The following LCORL variants were observed in gnomAD, a reference collection of about 807,000 sequenced individuals.
LCORL encodes the protein ligand dependent nuclear receptor corepressor like.
Under a neutral mutation model 141.8 loss-of-function variants are expected in LCORL, and 41 were observed. That is an observed-to-expected ratio of 0.29 (90% CI 0.23 to 0.38). LCORL has a LOEUF of 0.38. Among genes scored for constraint, LCORL ranks in the 10% least tolerant of loss-of-function variants. The probability of loss-of-function intolerance (pLI) is 1.00; values close to 1 mark genes in which losing one functional copy is unlikely to be tolerated. For synonymous variants in LCORL, 618 were observed against 694.1 expected, an observed-to-expected ratio of 0.89 and a Z score of 1.72; for missense variants, 1,759 against 2,035.0, an observed-to-expected ratio of 0.86 and a Z score of 2.61.
At chr4:17,959,841 TAAC>T (rs978961482) in intron 4 of LCORL, among the ~76,000 whole-genome samples, 8 of 152,112 alleles carry the variant, frequency 5.3e-5, no homozygotes, top group Non-Finnish European at 1.2e-4. Context: ...AAAGATGTTT[TAAC>T]AACACGTCAT....
At chr4:17,877,598 T>C in exon 7 of LCORL, 1 of 1,230,754 alleles carries the variant, frequency 8.1e-7, no homozygotes, top group Non-Finnish European at 1.0e-6. Flanking sequence ...TGTTATTTTC[T>C]AAGGCTGAAA....
At chr4:17,960,914 T>TATATA (rs1713649215) in intron 4 of LCORL, among the ~76,000 whole-genome samples, 1 of 152,120 alleles carries the variant, frequency 6.6e-6, no homozygotes, top group African/African-American at 2.4e-5. Flanking sequence ...ATATTAAGAC[T>TATATA]CTTCTAATAA....
chr4:17,841,468 A>G (rs1438254689), exon 8 of LCORL: 1 of 151,966 alleles, frequency 6.6e-6, no homozygotes, highest in Non-Finnish European at 1.5e-5. Flanking sequence ...AATTAGTCCC[A>G]TATTGTTGGA....
chr4:17,874,711 C>T, exon 7 of LCORL: 1 of 1,233,844 alleles, frequency 8.1e-7, no homozygotes, highest in Non-Finnish European at 1.0e-6. Flanking sequence ...GCAGAAGTAG[C>T]CCACCACCTG....
intron 4 of LCORL, among the ~76,000 whole-genome samples, chr4:17,958,530 A>C (rs1207597435): frequency 6.6e-6 from 1 of 151,974 alleles, no homozygotes; most frequent in East Asian, 1.9e-4. Flanking sequence ...TTTCATAAGG[A>C]TATCTGTAAA....
chr4:17,954,187 AAAT>A (rs1361501144), intron 4 of LCORL, among the ~76,000 whole-genome samples: 5 of 151,858 alleles, frequency 3.3e-5, no homozygotes, highest in Admixed American at 3.3e-4. Flanking sequence ...AAAAACAAAC[AAAT>A]AAACAAAAAC....
chr4:17,875,791 T>C, exon 7 of LCORL: 1 of 1,231,250 alleles, frequency 8.1e-7, no homozygotes, highest in East Asian at 3.2e-5. Flanking sequence ...GTAGCACTGC[T>C]TGAATTGTCC....
chr4:18,004,116 T>C (rs1722413397), intron 1 of LCORL, among the ~76,000 whole-genome samples: 1 of 152,222 alleles, frequency 6.6e-6, no homozygotes, highest in Non-Finnish European at 1.5e-5. Context: ...TTGGTGTACA[T>C]ATCCTTGCAA....
At chr4:18,005,426 T>C (rs1049380394) in intron 1 of LCORL, among the ~76,000 whole-genome samples, 1 of 152,132 alleles carries the variant, frequency 6.6e-6, no homozygotes, top group African/African-American at 2.4e-5. Context: ...GGATCTACCA[T>C]TCTGGGGTCT....
intron 4 of LCORL, among the ~76,000 whole-genome samples, chr4:17,959,158 G>A (rs1713283999): frequency 1.3e-5 from 2 of 151,898 alleles, no homozygotes; most frequent in African/African-American, 4.8e-5. Flanking sequence ...AGCACTATAA[G>A]GGAATTAATC....
At chr4:17,897,213 C>CCTTTGTT (rs1553863446) in intron 5 of LCORL, among the ~76,000 whole-genome samples, 1 of 63,996 alleles carries the variant, frequency 1.6e-5, no homozygotes, top group African/African-American at 5.8e-5. Flanking sequence ...ATACTGATTT[C>CCTTTGTT]TTTTTTTTTT....
chr4:17,841,519 G>GAGTAGAAAAAAGTGTAACATGAA (rs1722401341), exon 8 of LCORL: 1 of 151,848 alleles, frequency 6.6e-6, no homozygotes, highest in Non-Finnish European at 1.5e-5. Context: ...AGCAGGTAAG[G>GAGTAGAAAAAAGTGTAACATGAA]AGTAGAAAAA....
intron 7 of LCORL, among the ~76,000 whole-genome samples, chr4:17,857,298 CAG>C (rs1262565114): frequency 6.6e-6 from 1 of 152,064 alleles, no homozygotes; most frequent in Non-Finnish European, 1.5e-5. Context: ...AGGAGACAGA[CAG>C]ATCTGCAGAG....
chr4:17,975,870 T>G (rs1716854360), intron 1 of LCORL, among the ~76,000 whole-genome samples: 1 of 152,230 alleles, frequency 6.6e-6, no homozygotes, highest in Admixed American at 6.5e-5. Context: ...CTATAAATGT[T>G]AATTAAGATT....
chr4:17,882,791 C>T (rs1005742480), intron 6 of LCORL: 47 of 984,632 alleles, frequency 4.8e-5, no homozygotes, highest in Admixed American at 6.2e-5. Flanking sequence ...GTAGTCATAA[C>T]ATCAACTAAC....
At chr4:17,889,102 C>G (rs1470178320) in intron 5 of LCORL, among the ~76,000 whole-genome samples, 2 of 152,064 alleles carry the variant, frequency 1.3e-5, no homozygotes, top group African/African-American at 4.8e-5. Context: ...TAGGCTGCAG[C>G]TCTCTACTTG....
intron 4 of LCORL, among the ~76,000 whole-genome samples, chr4:17,915,203 C>G (rs1200467490): frequency 6.6e-6 from 1 of 151,966 alleles, no homozygotes; most frequent in Non-Finnish European, 1.5e-5. Context: ...ATGAGCAGTC[C>G]CATGAGGTGG....
chr4:17,922,580 A>T (rs1203205222), intron 4 of LCORL, among the ~76,000 whole-genome samples: 1 of 152,192 alleles, frequency 6.6e-6, no homozygotes, highest in Non-Finnish European at 1.5e-5. Flanking sequence ...TCAATCTTCT[A>T]AGATTGCCCT....
chr4:17,964,646 C>T (rs540853585), intron 2 of LCORL, among the ~76,000 whole-genome samples: 5 of 152,002 alleles, frequency 3.3e-5, no homozygotes, highest in African/African-American at 1.2e-4. Context: ...AAACTTTCAC[C>T]CCCTCACTAG....
Sources: allele counts gnomAD v4.1 joint callset (sites outside exome capture counted in the v4.1 genomes callset), GRCh38; gene constraint gnomAD v4.1.1; transcripts MANE v1.5; gene names NCBI Gene and HGNC (gene_info 2026-07-23, HGNC 2026-07-21).